SLC15A3: variants seen among roughly 807,000 people sequenced by gnomAD.
SLC15A3 encodes solute carrier family 15 member 3, also known as osteoclast transporter.
SLC15A3 carries 39 observed loss-of-function variants against 49.2 expected under a neutral mutation model. The observed-to-expected ratio is 0.79, with a 90% CI of 0.61 to 1.04. The LOEUF is 1.04. Ranked by LOEUF, SLC15A3 falls within the 50% of genes least tolerant of loss-of-function variation. SLC15A3 has a pLI of 0.00. For missense variants in SLC15A3, 758 were observed against 794.8 expected (o/e 0.95, Z 0.56); for synonymous variants, 339 against 367.0 (o/e 0.92, Z 0.87).
Position 60,951,864 on chromosome 11 carries a change from C to G in SLC15A3, c.-313G>C, listed in dbSNP as rs1311506436. The G allele has an allele frequency of 6.3e-6, 1 of 158,282 alleles. No homozygotes were observed. Among genetic ancestry groups the G allele is most frequent in the African/African-American group, 2.4e-5 (1 of 41,238 alleles). 9.8% of individuals were successfully genotyped at this position (158,282 alleles called of 1,614,324 possible). A position where few individuals can be genotyped will look rare whatever the true frequency, so the allele number is the denominator to read the frequency against. On this transcript the variant is annotated 5_prime_UTR_variant, in exon 1 of 8. Coordinates refer to ENST00000227880, the MANE Select transcript of SLC15A3 (RefSeq NM_016582.3). ...TTTCTCCCTAACTCTCCCCTCTCCT[C>G]CCTCCACCTTGACCCTTCCTCGCAC...
Position 60,937,307 on chromosome 11 carries a change from G to A in SLC15A3, c.1658C>T (p.Ala553Val), listed in dbSNP as rs1399155642. 1 of 1,614,174 alleles carries A rather than the reference G, an allele frequency of 6.2e-7. No homozygotes were observed. The highest frequency in any genetic ancestry group is 8.5e-7 in the Non-Finnish European group (1 of 1,180,026). Reference protein sequence around the residue: ...FLLAGIQAVTALLFVWIAGRY... With the variant: ...FLLAGIQAVTVLLFVWIAGRY... ...TCCAGCGATCCAGACAAATAGGAGAGCCGTGACGGCCTGAATGCCAGCCAG... is the reference window on the plus strand; with the variant it reads ...TCCAGCGATCCAGACAAATAGGAGAACCGTGACGGCCTGAATGCCAGCCAG... Residue 553 changes from alanine (A) to valine (V), a missense_variant, in exon 8 of 8, where the codon GCT becomes GTT. By Grantham distance (64) the Ala-to-Val change is moderately conservative. Coordinates refer to ENST00000227880, the MANE Select transcript of SLC15A3 (RefSeq NM_016582.3).
chr11:60,946,902 G>C (rs778967125), intron 1 of SLC15A3, 81 bp from the exon 2 acceptor site: 69 of 1,477,038 alleles, frequency 4.7e-5, no homozygotes, highest in African/African-American at 1.4e-5. Flanking sequence ...CTCCTACAGA[G>C]ACACTTCTTG....
chr11:60,950,977 G>A lies in SLC15A3; in HGVS notation c.558+17C>T. 1.4e-6 allele frequency: 2 copies of A among 1,420,338 alleles called. No individual in the cohort carries two copies. Among genetic ancestry groups the A allele is most frequent in the South Asian group, 1.5e-5 (1 of 66,622 alleles). 88.0% of individuals were successfully genotyped at this position (1,420,338 alleles called of 1,614,324 possible). A position where few individuals can be genotyped will look rare whatever the true frequency, so the allele number is the denominator to read the frequency against. On this transcript the variant is annotated intron_variant, in intron 1 of 7. Coordinates refer to ENST00000227880, the MANE Select transcript of SLC15A3 (RefSeq NM_016582.3). Reference sequence around the variant, plus strand: ...ACACCCGCCGGAGTATGCCGGGGCAGGCCTCCTGCCACTCACCTGGTCGGC... The same window carrying A: ...ACACCCGCCGGAGTATGCCGGGGCAAGCCTCCTGCCACTCACCTGGTCGGC...
intron 1 of SLC15A3, among the ~76,000 whole-genome samples, chr11:60,947,370 G>A (rs895467633): frequency 3.3e-5 from 5 of 152,072 alleles, no homozygotes; most frequent in Non-Finnish European, 7.4e-5. Context: ...TAGTAGAGAC[G>A]GGGTTTCACC....
chr11:60,942,182 C>T (rs1290306157), intron 3 of SLC15A3, 37 bp from the exon 4 acceptor site: 2 of 1,574,054 alleles, frequency 1.3e-6, no homozygotes, highest in South Asian at 2.2e-5. Flanking sequence ...GGAACAGAAA[C>T]GGCCATGCCC....
chr11:60,949,849 A>C (rs1218800893), intron 1 of SLC15A3, among the ~76,000 whole-genome samples: 1 of 152,144 alleles, frequency 6.6e-6, no homozygotes, highest in Non-Finnish European at 1.5e-5. Flanking sequence ...TTTCGTTGAC[A>C]CCTCGTCTTT....
intron 2 of SLC15A3, among the ~76,000 whole-genome samples, chr11:60,944,271 G>A (rs780792586): frequency 7.2e-5 from 11 of 152,010 alleles, no homozygotes; most frequent in Admixed American, 5.2e-4. Context: ...GTATCAGCAC[G>A]TCTCTGAAAT....
intron 1 of SLC15A3, among the ~76,000 whole-genome samples, chr11:60,950,001 C>T (rs1856885591): frequency 6.6e-6 from 1 of 152,166 alleles, no homozygotes; most frequent in South Asian, 2.1e-4. Flanking sequence ...CAAAATATAG[C>T]CGTGTTGTTG....
rs183291058 is a variant in SLC15A3 at position 60,942,013 on chromosome 11, G to A, written c.1107+22C>T. ...CCGCTACCTGGCTGAACTGGGTGCC[G>A]AACACATGCTTTATCTCTCACCGTG... On this transcript the variant is annotated intron_variant, in intron 4 of 7. Transcript: ENST00000227880. The A allele has an allele frequency of 5.1e-4, 818 of 1,606,784 alleles. 4 individuals carry two copies. The African/African-American group carries it at 8.6e-3, about 17-fold the overall frequency.
At chr11:60,942,245 C>T (rs775222499) in intron 3 of SLC15A3, 100 bp from the exon 4 acceptor site, 102 of 917,144 alleles carry the variant, frequency 1.1e-4, no homozygotes, top group Non-Finnish European at 4.0e-5. Flanking sequence ...GACAGCTGGG[C>T]AGCTGTCCCC....
chr11:60,949,512 G>GAA lies in SLC15A3; in HGVS notation c.558+1480_558+1481dup, dbSNP rs1856866660. Among the ~76,000 whole-genome samples the GAA allele has an allele frequency of 6.4e-5, 4 of 62,740 alleles. No homozygotes were observed. In the South Asian group the frequency reaches 3.7e-3, roughly 58 times the overall value. The allele number at this position is 62,740 out of a possible 152,430, so 41.2% of individuals were successfully genotyped here. On this transcript the variant is annotated intron_variant, in intron 1 of 7. Transcript: ENST00000227880. ...AGAAAGAAAGAAAGAAGGAAAGAAA[G>GAA]AAAGAAAGAAAGAAAGAAAGAAAGA...
chr11:60,945,205 C>T lies in SLC15A3; in HGVS notation c.848+1327G>A, dbSNP rs1007438531. On this transcript the variant is annotated intron_variant, in intron 2 of 7. Coordinates refer to ENST00000227880, the MANE Select transcript of SLC15A3 (RefSeq NM_016582.3). ...CCCTCCTCTTGGAACCCTCACACGACGCTGTGAGAAGTTCAAGCCACATGG... is the reference window on the plus strand; with the variant it reads ...CCCTCCTCTTGGAACCCTCACACGATGCTGTGAGAAGTTCAAGCCACATGG... Among the ~76,000 whole-genome samples the T allele has an allele frequency of 5.9e-5, 9 of 152,190 alleles. No individual in the cohort carries two copies. The South Asian group carries it at 6.2e-4, about 11-fold the overall frequency.
At chr11:60,950,327 G>A (rs958723932) in intron 1 of SLC15A3, among the ~76,000 whole-genome samples, 24 of 152,322 alleles carry the variant, frequency 1.6e-4, no homozygotes, top group African/African-American at 5.8e-4. Context: ...CCTTTACTCG[G>A]CTCCTCGACC....
At chr11:60,941,312 G>A in intron 4 of SLC15A3, 22 bp from the exon 5 acceptor site, 1 of 1,607,236 alleles carries the variant, frequency 6.2e-7, no homozygotes, top group East Asian at 2.2e-5. Context: ...GAAGTCAGGA[G>A]AGGCAGGCTA....
chr11:60,951,061 C>T lies in SLC15A3; in HGVS notation c.491G>A (p.Gly164Asp), dbSNP rs1301145621. The T allele has an allele frequency of 1.3e-6, 2 of 1,492,358 alleles. No homozygotes were observed. Among genetic ancestry groups the T allele is most frequent in the Non-Finnish European group, 1.8e-6 (2 of 1,129,726 alleles). 92.4% of individuals were successfully genotyped at this position (1,492,358 alleles called of 1,614,324 possible). ...SPYCAPVLYA[G>D]LLLLGLAASS... ...GGCGGCCAGGCCGAGTAGCAGCAGG[C>T]CCGCGTAGAGGACGGGCGCGCAGTA... is the stretch of plus-strand genomic sequence containing the variant. Residue 164 changes from glycine to aspartate, a missense_variant, in exon 1 of 8, where the codon GGC becomes GAC. This residue lies in a region of SLC15A3 where 699 missense variants were observed against 706.7 expected (regional missense o/e 0.99). Transcript: ENST00000227880.
At position 60,946,590 on chromosome 11, in the gene SLC15A3, T is replaced by C. The variant is rs567703279; in HGVS notation, c.790A>G (p.Met264Val). 5.6e-6 allele frequency: 9 copies of C among 1,611,282 alleles called. No homozygotes were observed. Among genetic ancestry groups the C allele is most frequent in the East Asian group, 2.2e-5 (1 of 44,810 alleles). ...KPPMGSQVSSMLKLALQNCCP... is the reference protein window; with the variant it reads ...KPPMGSQVSSVLKLALQNCCP... ...CAGTTTTGGAGAGCGAGCTTAAGCATAGAGGACACTTGGCTGCCCATCGGG... is the reference window on the plus strand; with the variant it reads ...CAGTTTTGGAGAGCGAGCTTAAGCACAGAGGACACTTGGCTGCCCATCGGG... The change falls in exon 2 of 8, where the codon ATG (methionine) becomes GTG (valine). Residue 264 changes from methionine to valine, a missense_variant. Around this residue, in one of 3 missense-constraint regions of SLC15A3, gnomAD observed 699 missense variants for 706.7 expected, o/e 0.99. Coordinates refer to ENST00000227880, the MANE Select transcript of SLC15A3 (RefSeq NM_016582.3).
Position 60,951,077 on chromosome 11 carries a change from G to A in SLC15A3, c.475C>T (p.Pro159Ser). The A allele has an allele frequency of 6.7e-7, 1 of 1,485,148 alleles. No individual in the cohort carries two copies. The highest frequency in any genetic ancestry group is 8.9e-7 in the Non-Finnish European group (1 of 1,127,266). The allele number at this position is 1,485,148 out of a possible 1,614,324, so 92.0% of individuals were successfully genotyped here. A position where few individuals can be genotyped will look rare whatever the true frequency, so the allele number is the denominator to read the frequency against. ...PRSSPSPYCA[P>S]VLYAGLLLLG... Reference sequence around the variant, plus strand: ...AGCAGCAGGCCCGCGTAGAGGACGGGCGCGCAGTAGGGGCTGGGCGAGGAG... The same window carrying A: ...AGCAGCAGGCCCGCGTAGAGGACGGACGCGCAGTAGGGGCTGGGCGAGGAG... The change falls in exon 1 of 8, where the codon CCC becomes TCC. Residue 159 changes from proline (P) to serine (S), a missense_variant. Pro to Ser is a moderately conservative substitution (Grantham distance 74). Coordinates refer to ENST00000227880, the MANE Select transcript of SLC15A3 (RefSeq NM_016582.3).
At position 60,941,108 on chromosome 11, in the gene SLC15A3, A is replaced by T; in HGVS notation, c.1276+14T>A. The T allele has an allele frequency of 6.3e-7, 1 of 1,592,368 alleles. No individual in the cohort carries two copies. The highest frequency in any genetic ancestry group is 8.6e-7 in the Non-Finnish European group (1 of 1,168,796). ...CCCAAAGTTCAGCCCCCTGCCCCAC[A>T]CCCCTCTGCACACCTGCCACAATGA... is the stretch of plus-strand genomic sequence containing the variant. On this transcript the variant is annotated intron_variant, in intron 5 of 7. Coordinates refer to ENST00000227880, the MANE Select transcript of SLC15A3 (RefSeq NM_016582.3).
chr11:60,948,302 A>T (rs1230530736), intron 1 of SLC15A3, among the ~76,000 whole-genome samples: 1 of 152,194 alleles, frequency 6.6e-6, no homozygotes, highest in Non-Finnish European at 1.5e-5. Flanking sequence ...TCCCATTAGA[A>T]GCAGCCACTT....
Sources: gnomAD v4.1 joint callset for allele counts (sites outside exome capture counted in the v4.1 genomes callset) on GRCh38, gnomAD v4.1.1 for gene constraint, gnomAD v4.1.1 regional missense constraint, MANE v1.5 for transcripts, NCBI Gene and HGNC (gene_info 2026-07-23, HGNC 2026-07-21) for gene names.